The following RPH3AL variants were observed in gnomAD, a reference collection of about 807,000 sequenced individuals.
RPH3AL encodes the protein rabphilin 3A like (without C2 domains).
In RPH3AL, 38 loss-of-function variants were observed where a neutral mutation model predicts 43.1. The ratio of observed to expected loss-of-function variants is 0.88; its 90% confidence interval spans 0.68 to 1.15. RPH3AL has a LOEUF of 1.15. Among genes scored for constraint, RPH3AL ranks in the 50% most tolerant of loss-of-function variants. The pLI is 0.00. For synonymous variants in RPH3AL, 189 were observed against 176.3 expected (o/e 1.07, Z -0.57); for missense variants, 462 against 423.2 (o/e 1.09, Z -0.81).
chr17:316,341 C>T (rs1285988784), intron 5 of RPH3AL, among the ~76,000 whole-genome samples: 10 of 150,174 alleles, frequency 6.7e-5, no homozygotes, highest in African/African-American at 2.5e-4. Context: ...CCTCCACTGA[C>T]CTGTAGTCTC....
At chr17:261,009 C>A (rs1349716433) in intron 6 of RPH3AL, among the ~76,000 whole-genome samples, 1 of 152,212 alleles carries the variant, frequency 6.6e-6, no homozygotes, top group Non-Finnish European at 1.5e-5. Context: ...GGGTTATGAT[C>A]ACCTGTTTCT....
chr17:215,015 T>C lies in RPH3AL; in HGVS notation c.876+639A>G, dbSNP rs2040762355. Among the ~76,000 whole-genome samples, 1 of 152,144 alleles carries C rather than the reference T, an allele frequency of 6.6e-6. No individual in the cohort carries two copies. ...AGGAGAGAGGTGCGGCAGGCGTTCC[T>C]GTGGGTGGCTGCCGGGTGCCCTCCA... On this transcript the variant is annotated intron_variant, in intron 9 of 9. Coordinates refer to ENST00000331302, the MANE Select transcript of RPH3AL (RefSeq NM_006987.4). This position sits in a 1 kb window ranked among gnomAD's most constrained non-coding sequence, Gnocchi z 4.1.
At position 245,363 on chromosome 17, in the gene RPH3AL, G is replaced by A. The variant is rs1015219229; in HGVS notation, c.613+1748C>T. ...GATGTGAGTGTGTATGTGGATGTCA[G>A]TGTGTGTGTGTGGATGTCAGTGTGT... On this transcript the variant is annotated intron_variant, in intron 7 of 9. Transcript: ENST00000331302. This position sits in a 1 kb window ranked among gnomAD's most constrained non-coding sequence, Gnocchi z 5.9. Among the ~76,000 whole-genome samples the A allele has an allele frequency of 6.7e-6, 1 of 149,322 alleles. No individual in the cohort carries two copies.
At chr17:325,530 C>T (rs1237385617) in intron 3 of RPH3AL, among the ~76,000 whole-genome samples, 1 of 152,180 alleles carries the variant, frequency 6.6e-6, no homozygotes, top group African/African-American at 2.4e-5. Context: ...TTCCCCCCTA[C>T]TCCCATCTAA....
intron 3 of RPH3AL, among the ~76,000 whole-genome samples, chr17:321,927 G>A (rs1272851173): frequency 1.3e-5 from 2 of 152,238 alleles, no homozygotes; most frequent in African/African-American, 4.8e-5. Context: ...CAAGGGAGGA[G>A]CATGAGAGAT....
Position 246,805 on chromosome 17 carries a change from C to T in RPH3AL, c.613+306G>A, listed in dbSNP as rs2041775278. ...TTGCAAAATACCTTAATTGACGTCC[C>T]ATTTCTGTGAAGATGCGTAGTGCTG... is the stretch of plus-strand genomic sequence containing the variant. On this transcript the variant is annotated intron_variant, in intron 7 of 9. Transcript: ENST00000331302. This position sits in a 1 kb window ranked among gnomAD's most constrained non-coding sequence, Gnocchi z 4.8. 6.6e-6 allele frequency among the ~76,000 whole-genome samples: 1 copy of T among 152,222 alleles called. No individual in the cohort carries two copies. The highest frequency in any genetic ancestry group is 1.5e-5 in the Non-Finnish European group (1 of 68,034).
intron 1 of RPH3AL, chr17:339,804 G>T (rs1042160718): frequency 1.3e-5 from 2 of 152,254 alleles, no homozygotes; most frequent in Non-Finnish European, 2.9e-5. Context: ...ACCCAGCAGC[G>T]GGGAGCACAG....
At chr17:273,686 C>T (rs1329961955) in intron 6 of RPH3AL, among the ~76,000 whole-genome samples, 2 of 152,218 alleles carry the variant, frequency 1.3e-5, no homozygotes, top group Non-Finnish European at 2.9e-5. Context: ...GATCGGAACA[C>T]GAAATTTCTT....
At chr17:321,228 G>T in intron 4 of RPH3AL, 44 bp downstream of exon 4, 1 of 1,583,766 alleles carries the variant, frequency 6.3e-7, no homozygotes. Context: ...TTGCGCCAAA[G>T]CCCTTGCTGT....
intron 8 of RPH3AL, among the ~76,000 whole-genome samples, chr17:217,028 G>A (rs113064155): frequency 0.26 from 31,249 of 120,694 alleles, 4,373 homozygotes; most frequent in Middle Eastern, 0.39. Context: ...AATTGGCCTC[G>A]CTGAAATCAG....
intron 6 of RPH3AL, among the ~76,000 whole-genome samples, chr17:253,116 C>A (rs1471370810): frequency 6.6e-6 from 1 of 152,188 alleles, no homozygotes; most frequent in Admixed American, 6.6e-5. Context: ...TCCCAGGGAA[C>A]CACGGTGGGC....
chr17:314,463 C>T (rs1215433927), intron 5 of RPH3AL, among the ~76,000 whole-genome samples: 1 of 138,700 alleles, frequency 7.2e-6, no homozygotes, highest in East Asian at 2.1e-4. Flanking sequence ...CCTGTAGTCT[C>T]TATGCCCCCA....
At chr17:304,802 AAAACCATTTTT>A (rs1377719953) in intron 5 of RPH3AL, among the ~76,000 whole-genome samples, 6 of 151,466 alleles carry the variant, frequency 4.0e-5, no homozygotes, top group African/African-American at 1.2e-4. Context: ...TTACAAACAT[AAAACCATTTTT>A]AAACCATTTT....
At chr17:313,543 T>A (rs1445465456) in intron 5 of RPH3AL, among the ~76,000 whole-genome samples, 1 of 152,202 alleles carries the variant, frequency 6.6e-6, no homozygotes, top group Non-Finnish European at 1.5e-5. Flanking sequence ...CAGGGCCAGC[T>A]GTTGCTTGTG....
chr17:281,886 T>C (rs2151606840), intron 5 of RPH3AL, 32 bp from the exon 6 acceptor site: 2 of 1,548,156 alleles, frequency 1.3e-6, no homozygotes, highest in South Asian at 1.1e-5. Context: ...GTTGTAAAGA[T>C]TGCAGCCGCT....
chr17:316,519 G>GACCTGCAGTCCCTGTGCCCCCACCTCCAT (rs2044204628), intron 5 of RPH3AL, among the ~76,000 whole-genome samples: 1 of 45,462 alleles, frequency 2.2e-5, no homozygotes, highest in Admixed American at 2.2e-4. Context: ...TCCACCTCCA[G>GACCTGCAGTCCCTGTGCCCCCACCTCCAT]TGACCTGTAG....
intron 5 of RPH3AL, among the ~76,000 whole-genome samples, chr17:314,729 T>A (rs1437317471): frequency 6.7e-6 from 1 of 148,976 alleles, no homozygotes; most frequent in African/African-American, 2.6e-5. Context: ...TCCACTGACC[T>A]GTAGTCTCTG....
At chr17:313,126 C>T (rs1342864054) in intron 5 of RPH3AL, among the ~76,000 whole-genome samples, 7 of 152,168 alleles carry the variant, frequency 4.6e-5, no homozygotes, top group Non-Finnish European at 1.0e-4. Context: ...CTCCTTCACC[C>T]CCTCTAATTC....
At position 321,265 on chromosome 17, in the gene RPH3AL, G is replaced by T; in HGVS notation, c.221+7C>A. On this transcript the variant is annotated splice_region_variant and intron_variant, in intron 4 of 9. Coordinates refer to ENST00000331302, the MANE Select transcript of RPH3AL (RefSeq NM_006987.4). The stretch of plus-strand genomic sequence containing the variant: ...CTCCCACTGAGCTGGCCCCGGCCCC[G>T]CCTCACCCGATTCTCTGCTGCTCCA... 6.2e-7 allele frequency: 1 copy of T among 1,604,290 alleles called. No individual in the cohort carries two copies.
Sources: gnomAD v4.1 joint callset for allele counts (sites outside exome capture counted in the v4.1 genomes callset) on GRCh38, gnomAD v4.1.1 for gene constraint, Gnocchi (gnomAD v3.1) non-coding constraint, MANE v1.5 for transcripts, NCBI Gene and HGNC (gene_info 2026-07-23, HGNC 2026-07-21) for gene names.